Variants in SLC13A5 observed in about 807,000 individuals in gnomAD.
SLC13A5 encodes Na(+)/citrate cotransporter.
SLC13A5 carries 25 observed loss-of-function variants against 56.5 expected under a neutral mutation model. The observed-to-expected ratio is 0.44, with a 90% CI of 0.32 to 0.62. The LOEUF is 0.62. Ranked by LOEUF, SLC13A5 falls within the 20% of genes least tolerant of loss-of-function variation. The pLI is 0.04. For missense variants in SLC13A5, 649 were observed against 737.8 expected, an observed-to-expected ratio of 0.88 and a Z score of 1.39; for synonymous variants, 307 against 301.5, an observed-to-expected ratio of 1.02 and a Z score of -0.19.
At position 6,685,992 on chromosome 17, in the gene SLC13A5, G is replaced by T; in HGVS notation, c.*215C>A. The T allele has an allele frequency of 1.5e-6, 1 of 649,894 alleles. No homozygotes were observed. The highest frequency in any genetic ancestry group is 2.6e-6 in the Non-Finnish European group (1 of 379,456). The allele number at this position is 649,894 out of a possible 1,614,324, so 40.3% of individuals were successfully genotyped here. The stretch of plus-strand genomic sequence containing the variant: ...GATGGGTCCAGCAGCCCACTGAGGG[G>T]TTCCCTTCATTTCTGAGCCTACCCT... On this transcript the variant is annotated 3_prime_UTR_variant, in exon 12 of 12. Coordinates refer to ENST00000433363, the MANE Select transcript of SLC13A5 (RefSeq NM_177550.5). The surrounding 1 kb of genome is among the most constrained non-coding windows in gnomAD (Gnocchi z 4.2).
At chr17:6,708,344 A>AGG (rs1973927653) in intron 1 of SLC13A5, among the ~76,000 whole-genome samples, 1 of 152,146 alleles carries the variant, frequency 6.6e-6, no homozygotes, top group African/African-American at 2.4e-5. Flanking sequence ...TACCCTCCCC[A>AGG]GCCATTAGCA....
chr17:6,709,907 C>G (rs939983375), intron 1 of SLC13A5, among the ~76,000 whole-genome samples: 3 of 152,242 alleles, frequency 2.0e-5, no homozygotes, highest in Non-Finnish European at 4.4e-5. Flanking sequence ...TAGAGCACCG[C>G]TGGCCTCCAC....
chr17:6,704,257 C>T (rs1269057192), intron 3 of SLC13A5: 2 of 698,656 alleles, frequency 2.9e-6, no homozygotes, highest in Admixed American at 2.0e-5. Flanking sequence ...CTCCATTCCT[C>T]TCTCCCTCCT....
At chr17:6,696,074 T>TTTCTCCAGGCCCCATA in intron 6 of SLC13A5, 133 bp from the exon 7 acceptor site, 1 of 750,000 alleles carries the variant, frequency 1.3e-6, no homozygotes, top group Non-Finnish European at 2.2e-6. Context: ...CTATGGGGCC[T>TTTCTCCAGGCCCCATA]GGAGAAAGGC....
In SLC13A5 at chr17:6,690,061, C is replaced by CAAAAAAAAAAAAAAAA. The variant is rs71157211; in HGVS notation, c.1437+702_1437+717dup. 24 of 33,424 alleles carry CAAAAAAAAAAAAAAAA rather than the reference C, an allele frequency of 7.2e-4. 2 individuals carry two copies. Among genetic ancestry groups the CAAAAAAAAAAAAAAAA allele is most frequent in the Non-Finnish European group, 1.3e-3 (21 of 16,242 alleles). 2.1% of individuals were successfully genotyped at this position (33,424 alleles called of 1,614,324 possible). A position where few individuals can be genotyped will look rare whatever the true frequency, so the allele number is the denominator to read the frequency against. ...TTGCAATGGATGACAGAAGGAAATG[C>CAAAAAAAAAAAAAAAA]AAAAAAAAAAAAAAAAAAAAAAAAA... On this transcript the variant is annotated intron_variant, in intron 10 of 11. Coordinates refer to ENST00000433363, the MANE Select transcript of SLC13A5 (RefSeq NM_177550.5).
chr17:6,692,707 G>C lies in SLC13A5; in HGVS notation c.1275+337C>G, dbSNP rs776012767. ...AGTAGTAGCAAACAATATTGACAAG[G>C]ATTGGAAAGAAAGATTTCCCTCAGA... On this transcript the variant is annotated intron_variant, in intron 9 of 11. Transcript: ENST00000433363. The surrounding 1 kb of genome is among the most constrained non-coding windows in gnomAD (Gnocchi z 5.5). Among the ~76,000 whole-genome samples, 1 of 152,234 alleles carries C rather than the reference G, an allele frequency of 6.6e-6. No individual in the cohort carries two copies. The highest frequency in any genetic ancestry group is 1.5e-5 in the Non-Finnish European group (1 of 68,042).
At chr17:6,702,926 G>A (rs763279550) in intron 5 of SLC13A5, 44 bp downstream of exon 5, 62 of 1,599,804 alleles carry the variant, frequency 3.9e-5, no homozygotes, top group Non-Finnish European at 4.7e-5. Context: ...CTCCAGCCCC[G>A]GTACCCACTT....
rs1294082332 is a variant in SLC13A5 at position 6,708,247 on chromosome 17, C to T, written c.103-1091G>A. On this transcript the variant is annotated intron_variant, in intron 1 of 11. Transcript: ENST00000433363. The stretch of plus-strand genomic sequence containing the variant: ...CACCCTAAAGTGCTGGGATTACAGG[C>T]GTGAGCCACCGCGCCCAACCTCAGA... Among the ~76,000 whole-genome samples, 11 of 152,348 alleles carry T rather than the reference C, an allele frequency of 7.2e-5. No individual in the cohort carries two copies. The South Asian group carries it at 1.5e-3, about 20-fold the overall frequency.
At chr17:6,690,366 C>A (rs1973373989) in intron 10 of SLC13A5, among the ~76,000 whole-genome samples, 1 of 152,184 alleles carries the variant, frequency 6.6e-6, no homozygotes, top group Admixed American at 6.5e-5. Context: ...CAAGTCCCCA[C>A]TCCTCCAAGG....
chr17:6,710,503 G>A (rs1018628519), intron 1 of SLC13A5, among the ~76,000 whole-genome samples: 9 of 152,062 alleles, frequency 5.9e-5, no homozygotes, highest in Non-Finnish European at 1.2e-4. Context: ...TACACTGTGC[G>A]TTCCTGGAGG....
chr17:6,703,836 G>A, intron 4 of SLC13A5, 42 bp downstream of exon 4: 1 of 1,492,002 alleles, frequency 6.7e-7, no homozygotes, highest in South Asian at 1.4e-5. Flanking sequence ...GGGAGGGGAA[G>A]GCTGCTGTTG....
Position 6,686,075 on chromosome 17 carries a change from T to C in SLC13A5, c.*132A>G, listed in dbSNP as rs1473593109. Reference sequence around the variant, plus strand: ...TTGGAGGAAGAGGTGGCCCATTGGCTGGGTTTTGGTGGTGTGTGGACATCG... The same window carrying C: ...TTGGAGGAAGAGGTGGCCCATTGGCCGGGTTTTGGTGGTGTGTGGACATCG... On this transcript the variant is annotated 3_prime_UTR_variant, in exon 12 of 12. Transcript: ENST00000433363. 3 of 1,327,118 alleles carry C rather than the reference T, an allele frequency of 2.3e-6. No homozygotes were observed. Among genetic ancestry groups the C allele is most frequent in the Non-Finnish European group, 3.1e-6 (3 of 961,796 alleles). 82.2% of individuals were successfully genotyped at this position (1,327,118 alleles called of 1,614,324 possible).
rs896603587 is a variant in SLC13A5, at chr17:6,692,282, T to C, written c.1275+762A>G. Among the ~76,000 whole-genome samples the C allele has an allele frequency of 8.7e-4, 128 of 147,758 alleles. 1 individual carries two copies. Among genetic ancestry groups the C allele is most frequent in the African/African-American group, 2.9e-3 (116 of 39,346 alleles). ...ATGGATGGATGGATGGATGGACGGATGGACGGACGGATGGATGGATGAAGA... is the reference window on the plus strand; with the variant it reads ...ATGGATGGATGGATGGATGGACGGACGGACGGACGGATGGATGGATGAAGA... On this transcript the variant is annotated intron_variant, in intron 9 of 11. Coordinates refer to ENST00000433363, the MANE Select transcript of SLC13A5 (RefSeq NM_177550.5). The surrounding 1 kb of genome is among the most constrained non-coding windows in gnomAD (Gnocchi z 5.5).
At chr17:6,706,916 C>T in intron 2 of SLC13A5, 112 bp downstream of exon 2, 2 of 1,560,570 alleles carry the variant, frequency 1.3e-6, no homozygotes, top group Non-Finnish European at 1.7e-6. Context: ...AGGGAGAATC[C>T]ACAAATGAGG....
In SLC13A5 at chr17:6,711,487, T is replaced by G. The variant is rs1031052876; in HGVS notation, c.102+1745A>C. 1.4e-4 allele frequency among the ~76,000 whole-genome samples: 14 copies of G among 100,834 alleles called. No individual in the cohort carries two copies. The highest frequency in any genetic ancestry group is 1.0e-3 in the Admixed American group (13 of 12,414). 66.2% of individuals were successfully genotyped at this position (100,834 alleles called of 152,430 possible). ...CTGAGTTAGGGTTTCCAGTTCAGGG[T>G]GTGTGTGTGTGTGTGTGTGTATGTG... On this transcript the variant is annotated intron_variant, in intron 1 of 11. Coordinates refer to ENST00000433363, the MANE Select transcript of SLC13A5 (RefSeq NM_177550.5). This position sits in a 1 kb window ranked among gnomAD's most constrained non-coding sequence, Gnocchi z 4.0.
At chr17:6,702,883 T>C (rs1192753937) in intron 5 of SLC13A5, 87 bp downstream of exon 5, 1 of 1,530,524 alleles carries the variant, frequency 6.5e-7, no homozygotes, top group Non-Finnish European at 8.9e-7. Flanking sequence ...TTTCCAGGAC[T>C]CTGCAGAGGA....
chr17:6,704,797 G>A (rs1973821437), intron 3 of SLC13A5: 1 of 156,474 alleles, frequency 6.4e-6, no homozygotes, highest in Admixed American at 6.1e-5. Flanking sequence ...CCCTCCTCTG[G>A]GACCACGCTC....
chr17:6,701,190 G>T lies in SLC13A5; in HGVS notation c.717-64C>A, dbSNP rs1317951504. The T allele has an allele frequency of 2.5e-6, 4 of 1,599,408 alleles. No individual in the cohort carries two copies. The South Asian group carries it at 4.5e-5, about 18-fold the overall frequency. The stretch of plus-strand genomic sequence containing the variant: ...TGTGGGAGCCAGCCTGGCCCTGTGC[G>T]TGGGGACGGAGCAGCAGCTGGGCCC... On this transcript the variant is annotated intron_variant, in intron 5 of 11. Coordinates refer to ENST00000433363, the MANE Select transcript of SLC13A5 (RefSeq NM_177550.5). The surrounding 1 kb of genome is among the most constrained non-coding windows in gnomAD (Gnocchi z 4.1).
chr17:6,695,346 G>A (rs1458213638), intron 7 of SLC13A5: 2 of 172,700 alleles, frequency 1.2e-5, no homozygotes, highest in Non-Finnish European at 2.5e-5. Flanking sequence ...ACCTGTAGCC[G>A]AGACCAGCAG....
Sources: gnomAD v4.1 joint callset for allele counts (sites outside exome capture counted in the v4.1 genomes callset) on GRCh38, gnomAD v4.1.1 for gene constraint, Gnocchi (gnomAD v3.1) non-coding constraint, MANE v1.5 for transcripts, NCBI Gene and HGNC (gene_info 2026-07-23, HGNC 2026-07-21) for gene names.